GNB3: variants seen among roughly 807,000 people sequenced by gnomAD.
GNB3 encodes the protein guanine nucleotide-binding protein G(I)/G(S)/G(T) subunit beta-3.
Under a neutral mutation model 41.2 loss-of-function variants are expected in GNB3, and 33 were observed. The ratio of observed to expected loss-of-function variants is 0.80; its 90% confidence interval spans 0.61 to 1.07. The LOEUF (loss-of-function observed/expected upper bound fraction) is 1.07. Ranked by LOEUF, GNB3 falls within the 50% of genes least tolerant of loss-of-function variation. GNB3 has a pLI of 0.00. For synonymous variants in GNB3, 172 were observed against 173.4 expected (o/e 0.99, Z 0.06); for missense variants, 409 against 455.3 (o/e 0.90, Z 0.92).
chr12:6,845,881 T>G lies in GNB3; in HGVS notation c.916+79T>G, dbSNP rs535223865. On this transcript the variant is annotated intron_variant, in intron 9 of 9. Coordinates refer to ENST00000229264, the MANE Select transcript of GNB3 (RefSeq NM_002075.4). Reference sequence around the variant, plus strand: ...CTCCCTCCCCATTCTGTACCCCCCATCAGCTCCCATTTCGGACTCTCTTAC... The same window carrying G: ...CTCCCTCCCCATTCTGTACCCCCCAGCAGCTCCCATTTCGGACTCTCTTAC... The G allele has an allele frequency of 4.3e-6, 4 of 938,978 alleles. No homozygotes were observed. The Middle Eastern group carries it at 7.1e-4, about 166-fold the overall frequency. The allele number at this position is 938,978 out of a possible 1,614,324, so 58.2% of individuals were successfully genotyped here. A position where few individuals can be genotyped will look rare whatever the true frequency, so the allele number is the denominator to read the frequency against.
Position 6,843,087 on chromosome 12 carries a change from G to C in GNB3, c.203+11G>C, listed in dbSNP as rs373777248. 2.1e-4 allele frequency: 332 copies of C among 1,604,764 alleles called. No individual in the cohort carries two copies. Among genetic ancestry groups the C allele is most frequent in the South Asian group, 3.9e-4 (35 of 90,806 alleles). On this transcript the variant is annotated intron_variant, in intron 4 of 9. Transcript: ENST00000229264. This position sits in a 1 kb window ranked among gnomAD's most constrained non-coding sequence, Gnocchi z 5.9. ...GGCCACTGATTCTAAGTGAGGCTTG[G>C]GGGGGAACCGAGAATGGGAGGGTGA...
chr12:6,843,134 G>C lies in GNB3; in HGVS notation c.204-40G>C. On this transcript the variant is annotated intron_variant, in intron 4 of 9. Transcript: ENST00000229264. This position sits in a 1 kb window ranked among gnomAD's most constrained non-coding sequence, Gnocchi z 5.9. ...GTGAGAGCGGGAGTGAGGAAGGCGG[G>C]AAGGGGAGGCTTGCATGATATGGGA... is the stretch of plus-strand genomic sequence containing the variant. 1 of 1,607,744 alleles carries C rather than the reference G, an allele frequency of 6.2e-7. No individual in the cohort carries two copies. The highest frequency in any genetic ancestry group is 8.5e-7 in the Non-Finnish European group (1 of 1,174,264).
In GNB3 at chr12:6,842,986, AGG is replaced by A. The variant is rs1177114889; in HGVS notation, c.114_115del (p.Glu38AspfsTer28). ...TCTCTGCAGCTGGTGTCTGGCCTAG[AGG>A]TGGTGGGACGAGTCCAGATGCGGAC... On this transcript the variant is annotated frameshift_variant, in exon 4 of 10. Coordinates refer to ENST00000229264, the MANE Select transcript of GNB3 (RefSeq NM_002075.4). LOFTEE classifies it high-confidence loss of function. The A allele has an allele frequency of 1.9e-6, 3 of 1,548,638 alleles. No individual in the cohort carries two copies. In the African/African-American group the frequency reaches 4.1e-5, roughly 21 times the overall value.
At position 6,843,620 on chromosome 12, in the gene GNB3, A is replaced by C; in HGVS notation, c.431-12A>C. 5 of 1,613,962 alleles carry C rather than the reference A, an allele frequency of 3.1e-6. No individual in the cohort carries two copies. Among genetic ancestry groups the C allele is most frequent in the South Asian group, 1.1e-5 (1 of 91,082 alleles). ...TCTGCAGCCAGGGCACTGTCCTTCT[A>C]ACCGCCTCCAGGTTATCTCTCCTGC... On this transcript the variant is annotated splice_polypyrimidine_tract_variant and intron_variant, in intron 6 of 9. Coordinates refer to ENST00000229264, the MANE Select transcript of GNB3 (RefSeq NM_002075.4). This position sits in a 1 kb window ranked among gnomAD's most constrained non-coding sequence, Gnocchi z 5.9.
chr12:6,847,001 C>T lies in GNB3; in HGVS notation c.*103C>T. 2 of 698,106 alleles carry T rather than the reference C, an allele frequency of 2.9e-6. No individual in the cohort carries two copies. Among genetic ancestry groups the T allele is most frequent in the Non-Finnish European group, 5.1e-6 (2 of 393,128 alleles). The allele number at this position is 698,106 out of a possible 1,614,324, so 43.2% of individuals were successfully genotyped here. Reference sequence around the variant, plus strand: ...TCTCTTCTATATTCCGGGTGCCATTCCCACTAAGCTTTCTCCTTTGAGGGC... The same window carrying T: ...TCTCTTCTATATTCCGGGTGCCATTTCCACTAAGCTTTCTCCTTTGAGGGC... On this transcript the variant is annotated 3_prime_UTR_variant, in exon 10 of 10. Coordinates refer to ENST00000229264, the MANE Select transcript of GNB3 (RefSeq NM_002075.4).
At chr12:6,845,914 C>T (rs1242029369) in intron 9 of GNB3, 112 bp downstream of exon 9, 2 of 752,916 alleles carry the variant, frequency 2.7e-6, no homozygotes, top group Non-Finnish European at 4.6e-6. Flanking sequence ...TACTGCTGTC[C>T]CTTGTCACTG....
intron 9 of GNB3, 127 bp downstream of exon 9, chr12:6,845,929 A>T: frequency 1.5e-6 from 1 of 677,156 alleles, no homozygotes; most frequent in Admixed American, 2.3e-5. Flanking sequence ...TCACTGGGTG[A>T]CTCCACCCCT....
intron 8 of GNB3, among the ~76,000 whole-genome samples, chr12:6,844,250 C>T (rs782168823): frequency 9.4e-4 from 141 of 149,882 alleles, no homozygotes; most frequent in African/African-American, 3.3e-3. Context: ...TACAGGTGTG[C>T]GCCACCATGC....
chr12:6,841,977 T>TTA, intron 3 of GNB3: 1 of 398,960 alleles, frequency 2.5e-6, no homozygotes, highest in Non-Finnish European at 4.8e-6. Context: ...AAGATGCACA[T>TTA]TTCTTCACAT....
rs373443639 is a variant in GNB3, at chr12:6,843,504, C to T, written c.409C>T (p.Arg137Trp). 4.5e-5 allele frequency: 73 copies of T among 1,614,040 alleles called. No homozygotes were observed. Among genetic ancestry groups the T allele is most frequent in the Non-Finnish European group, 5.8e-5 (69 of 1,180,018 alleles). ...KSREGNVKVS[R>W]ELSAHTGYLS... ...CCGTGAGGGCAATGTCAAGGTCAGCCGGGAGCTTTCTGCTCACACAGGTGA... is the reference window on the plus strand; with the variant it reads ...CCGTGAGGGCAATGTCAAGGTCAGCTGGGAGCTTTCTGCTCACACAGGTGA... The change falls in exon 6 of 10, where the codon CGG becomes TGG. Residue 137 changes from arginine (R) to tryptophan (W), a missense_variant. Physicochemically the swap from Arg to Trp is moderately radical, Grantham distance 101 (BLOSUM62 -3). Transcript: ENST00000229264. This position sits in a 1 kb window ranked among gnomAD's most constrained non-coding sequence, Gnocchi z 5.9.
At chr12:6,846,718 C>G in intron 9 of GNB3, 74 bp from the exon 10 acceptor site, 2 of 796,104 alleles carry the variant, frequency 2.5e-6, no homozygotes, top group Non-Finnish European at 4.3e-6. Context: ...CCCACACATA[C>G]ACTTACACGC....
In GNB3 at chr12:6,841,504, C is replaced by G. The variant is rs782605565; in HGVS notation, c.58-82C>G. On this transcript the variant is annotated intron_variant, in intron 2 of 9. Coordinates refer to ENST00000229264, the MANE Select transcript of GNB3 (RefSeq NM_002075.4). ...TTTGAGACCCCCAAGCCCCAGAGCC[C>G]CAAGACCAACCTGCCCTGAAGGCCC... 11 of 1,307,024 alleles carry G rather than the reference C, an allele frequency of 8.4e-6. No homozygotes were observed. In the African/African-American group the frequency reaches 1.6e-4, roughly 19 times the overall value. 81.0% of individuals were successfully genotyped at this position (1,307,024 alleles called of 1,614,324 possible). A position where few individuals can be genotyped will look rare whatever the true frequency, so the allele number is the denominator to read the frequency against.
chr12:6,847,211 G>A lies in GNB3; in HGVS notation c.*313G>A, dbSNP rs1025450259. The A allele has an allele frequency of 4.3e-5, 15 of 350,982 alleles. 1 individual carries two copies. Among genetic ancestry groups the A allele is most frequent in the African/African-American group, 2.9e-4 (14 of 48,982 alleles). 21.7% of individuals were successfully genotyped at this position (350,982 alleles called of 1,614,324 possible). On this transcript the variant is annotated 3_prime_UTR_variant, in exon 10 of 10. Coordinates refer to ENST00000229264, the MANE Select transcript of GNB3 (RefSeq NM_002075.4). Reference sequence around the variant, plus strand: ...AGCAGACTTGAGTCTGAGGCCCCAGGCCCTAGGATTCCTCCCCCAGAGCCA... The same window carrying A: ...AGCAGACTTGAGTCTGAGGCCCCAGACCCTAGGATTCCTCCCCCAGAGCCA...
intron 8 of GNB3, 117 bp from the exon 9 acceptor site, chr12:6,845,469 G>C: frequency 1.5e-6 from 1 of 683,110 alleles, no homozygotes. Context: ...GGAGGGACAG[G>C]CAGGGAGGCT....
intron 1 of GNB3, 21 bp from the exon 2 acceptor site, chr12:6,841,236 AC>A: frequency 6.6e-7 from 1 of 1,522,142 alleles, no homozygotes. Flanking sequence ...GTTCCTCAAC[AC>A]CGACCCCATG....
chr12:6,845,586 T>C lies in GNB3; in HGVS notation c.700T>C (p.Phe234Leu), dbSNP rs1943674218. 1 of 1,606,912 alleles carries C rather than the reference T, an allele frequency of 6.2e-7. No individual in the cohort carries two copies. The highest frequency in any genetic ancestry group is 1.7e-5 in the Admixed American group (1 of 59,954). Reference protein sequence around the residue: ...GHESDINAICFFPNGEAICTG... With the variant: ...GHESDINAICLFPNGEAICTG... ...ACCCACTTGCCACCCGTGCCCTCAG[T>C]TCTTCCCCAATGGAGAGGCCATCTG... Residue 234 changes from phenylalanine to leucine, a missense_variant and splice_region_variant, in exon 9 of 10, where the codon TTC becomes CTC. By Grantham distance (22) the Phe-to-Leu change is conservative. Coordinates refer to ENST00000229264, the MANE Select transcript of GNB3 (RefSeq NM_002075.4).
chr12:6,843,125 G>A lies in GNB3; in HGVS notation c.203+49G>A, dbSNP rs782571419. On this transcript the variant is annotated intron_variant, in intron 4 of 9. Transcript: ENST00000229264. The surrounding 1 kb of genome is among the most constrained non-coding windows in gnomAD (Gnocchi z 5.9). ...AATGGGAGGGTGAGAGCGGGAGTGA[G>A]GAAGGCGGGAAGGGGAGGCTTGCAT... 1.2e-6 allele frequency: 2 copies of A among 1,605,644 alleles called. No homozygotes were observed. Among genetic ancestry groups the A allele is most frequent in the Non-Finnish European group, 1.7e-6 (2 of 1,172,396 alleles).
At chr12:6,846,094 G>T in intron 9 of GNB3, 1 of 389,238 alleles carries the variant, frequency 2.6e-6, no homozygotes, top group South Asian at 3.6e-5. Context: ...TGGCATTTCA[G>T]GGGCACCCAC....
Position 6,845,600 on chromosome 12 carries a change from A to G in GNB3, c.714A>G (p.Gly238=), listed in dbSNP as rs1555124456. The change falls in exon 9 of 10, where the codon GGA becomes GGG. Residue 238 remains glycine, a synonymous_variant. Transcript: ENST00000229264. ...DINAICFFPN[G]EAICTGSDDA... is the part of the protein sequence containing the mutation. ...CGTGCCCTCAGTTCTTCCCCAATGG[A>G]GAGGCCATCTGCACGGGCTCGGATG... 2 of 1,610,662 alleles carry G rather than the reference A, an allele frequency of 1.2e-6. No individual in the cohort carries two copies. The highest frequency in any genetic ancestry group is 1.7e-6 in the Non-Finnish European group (2 of 1,179,042).
Sources: allele counts gnomAD v4.1 joint callset (sites outside exome capture counted in the v4.1 genomes callset), GRCh38; gene constraint gnomAD v4.1.1; non-coding constraint Gnocchi (gnomAD v3.1); transcripts MANE v1.5; gene names NCBI Gene and HGNC (gene_info 2026-07-23, HGNC 2026-07-21).